MYG1: variants seen among roughly 807,000 people sequenced by gnomAD.
MYG1 encodes UPF0160 protein MYG1, mitochondrial.
In MYG1, 36 loss-of-function variants were observed where a neutral mutation model predicts 43.5. The ratio of observed to expected loss-of-function variants is 0.83; its 90% CI spans 0.63 to 1.09. The LOEUF is 1.09. MYG1 is among the 50% of genes least tolerant of loss of function. The pLI, the probability that MYG1 is intolerant of heterozygous loss-of-function variation, is 0.00. For synonymous variants in MYG1, 220 were observed against 202.8 expected (o/e 1.08, Z -0.72); for missense variants, 529 against 495.1 (o/e 1.07, Z -0.65).
intron 1 of MYG1, 93 bp from the exon 2 acceptor site, chr12:53,300,057 C>T: frequency 6.5e-7 from 1 of 1,538,262 alleles, no homozygotes; most frequent in South Asian, 1.2e-5. Context: ...GCAGCCCAAG[C>T]ACCCTTCCTA....
intron 5 of MYG1, 46 bp downstream of exon 5, chr12:53,306,366 C>CCAAT (rs763198717): frequency 4.7e-5 from 75 of 1,606,984 alleles, no homozygotes; most frequent in Non-Finnish European, 6.2e-5. Context: ...TTACTGACTG[C>CCAAT]CAATCAACAG....
chr12:53,299,936 C>G lies in MYG1; in HGVS notation c.199C>G (p.Leu67Val). ...GGCACTGGCATGCGCACTGCTTCGC[C>G]TCCTGCCGGAGTACCGGGTACGGTC... ...DEALACALLR[L>V]LPEYRDAEIV... Residue 67 changes from leucine (L) to valine (V), a missense_variant, in exon 1 of 7, where the codon CTC becomes GTC. Transcript: ENST00000267103. 3 of 1,614,240 alleles carry G rather than the reference C, an allele frequency of 1.9e-6. No individual in the cohort carries two copies. The highest frequency in any genetic ancestry group is 2.5e-6 in the Non-Finnish European group (3 of 1,180,042).
At chr12:53,304,264 AACTG>A (rs1944252727) in intron 3 of MYG1, among the ~76,000 whole-genome samples, 1 of 151,686 alleles carries the variant, frequency 6.6e-6, no homozygotes. Context: ...GTTTCTAAAC[AACTG>A]ACTAAATTTT....
chr12:53,301,357 C>T (rs1014835727), intron 2 of MYG1, among the ~76,000 whole-genome samples: 15 of 152,158 alleles, frequency 9.9e-5, no homozygotes, highest in Non-Finnish European at 1.9e-4. Flanking sequence ...TACCACACCA[C>T]GAGAAGTAAT....
intron 6 of MYG1, 43 bp from the exon 7 acceptor site, chr12:53,306,923 G>A: frequency 1.9e-6 from 3 of 1,606,594 alleles, no homozygotes; most frequent in Non-Finnish European, 1.7e-6. Flanking sequence ...TTAAGAGAAG[G>A]CTGCCAACTC....
Position 53,306,784 on chromosome 12 carries a change from C to G in MYG1, c.870C>G (p.Phe290Leu), listed in dbSNP as rs1555189703. The G allele has an allele frequency of 6.2e-7, 1 of 1,614,228 alleles. No homozygotes were observed. The highest frequency in any genetic ancestry group is 1.1e-5 in the South Asian group (1 of 91,090). Residue 290 changes from phenylalanine to leucine, a missense_variant, in exon 6 of 7, where the codon TTC (phenylalanine) becomes TTG (leucine). By Grantham distance (22) the Phe-to-Leu change is conservative (BLOSUM62 0). Coordinates refer to ENST00000267103, the MANE Select transcript of MYG1 (RefSeq NM_021640.4). ...ESGLSPPVAI[F>L]FVIYTDQAGQ... ...GGCTGTCCCCTCCAGTGGCCATCTTCTTTGTTATCTACACTGACCAGGCTG... is the reference window on the plus strand; with the variant it reads ...GGCTGTCCCCTCCAGTGGCCATCTTGTTTGTTATCTACACTGACCAGGCTG...
chr12:53,299,940 T>G lies in MYG1; in HGVS notation c.203T>G (p.Leu68Arg). The G allele has an allele frequency of 2.5e-6, 4 of 1,614,194 alleles. No homozygotes were observed. The highest frequency in any genetic ancestry group is 2.2e-5 in the South Asian group (2 of 91,086). ...CTGGCATGCGCACTGCTTCGCCTCC[T>G]GCCGGAGTACCGGGTACGGTCCGCG... ...EALACALLRL[L>R]PEYRDAEIVR... is the part of the protein sequence containing the mutation. The change falls in exon 1 of 7, where the codon CTG becomes CGG. Residue 68 changes from leucine (L) to arginine (R), a missense_variant. Transcript: ENST00000267103.
intron 4 of MYG1, 49 bp downstream of exon 4, chr12:53,306,109 G>A (rs773196162): frequency 1.2e-6 from 2 of 1,607,706 alleles, no homozygotes; most frequent in Non-Finnish European, 8.5e-7. Context: ...ACCTTGGGTG[G>A]GGGGAAAATG....
rs1171292432 is a variant in MYG1, at chr12:53,299,843, C to G, written c.106C>G (p.Arg36Gly). Residue 36 changes from arginine (R) to glycine (G), a missense_variant, in exon 1 of 7, where the codon CGA (arginine) becomes GGA (glycine). By Grantham distance (125) the Arg-to-Gly change is moderately radical. Transcript: ENST00000267103. ...LGPESVPPPK[R>G]SRSKLMAPPR... ...TCCAGAGTCCGTCCCGCCCCCAAAACGATCCCGCAGCAAACTCATGGCACC... is the reference window on the plus strand; with the variant it reads ...TCCAGAGTCCGTCCCGCCCCCAAAAGGATCCCGCAGCAAACTCATGGCACC... 6.2e-6 allele frequency: 10 copies of G among 1,614,082 alleles called. No homozygotes were observed. Among genetic ancestry groups the G allele is most frequent in the Non-Finnish European group, 8.5e-6 (10 of 1,180,030 alleles).
At chr12:53,300,339 C>T (rs918457540) in intron 2 of MYG1, 77 bp downstream of exon 2, 16 of 1,087,920 alleles carry the variant, frequency 1.5e-5, no homozygotes, top group Admixed American at 2.9e-5. Context: ...CATCCACTGC[C>T]GTAGTCCGCG....
At position 53,303,100 on chromosome 12, in the gene MYG1, G is replaced by A. The variant is rs1004559152; in HGVS notation, c.396G>A (p.Ala132=). Residue 132 remains alanine (A), a synonymous_variant, in exon 3 of 7, where the codon GCG becomes GCA. Transcript: ENST00000267103. Reference sequence around the variant, plus strand: ...CGTGGCAGACCAAGCTGAGCAGTGCGGGACTCATCTATCTGCACTTCGGGC... The same window carrying A: ...CGTGGCAGACCAAGCTGAGCAGTGCAGGACTCATCTATCTGCACTTCGGGC... The part of the protein sequence containing the change: ...GKPWQTKLSS[A]GLIYLHFGHK... The A allele has an allele frequency of 9.3e-6, 15 of 1,614,032 alleles. No individual in the cohort carries two copies. Among genetic ancestry groups the A allele is most frequent in the Middle Eastern group, 3.3e-4 (2 of 6,074 alleles).
intron 2 of MYG1, among the ~76,000 whole-genome samples, chr12:53,301,561 A>G (rs1040402318): frequency 7.9e-5 from 12 of 152,144 alleles, no homozygotes; most frequent in African/African-American, 2.9e-4. Flanking sequence ...ATTCCCCTCA[A>G]GCCCACTCTC....
chr12:53,306,519 T>C, intron 5 of MYG1, 161 bp from the exon 6 acceptor site: 2 of 1,086,710 alleles, frequency 1.8e-6, no homozygotes, highest in Admixed American at 2.8e-5. Context: ...AATTTTTGTA[T>C]TTTTTGTAGA....
At chr12:53,304,868 T>G (rs1393261137) in intron 3 of MYG1, among the ~76,000 whole-genome samples, 2 of 3,940 alleles carry the variant, frequency 5.1e-4, no homozygotes, top group East Asian at 8.3e-3. Flanking sequence ...CATGTTTTTT[T>G]TTTTTTTTTT....
intron 2 of MYG1, 50 bp from the exon 3 acceptor site, chr12:53,302,984 G>A (rs1176421661): frequency 2.0e-6 from 3 of 1,511,716 alleles, no homozygotes; most frequent in Non-Finnish European, 2.7e-6. Context: ...AATGCATGGA[G>A]ACTCTAGCCA....
At chr12:53,303,837 C>T (rs116646579) in intron 3 of MYG1, 1 of 152,350 alleles carries the variant, frequency 6.6e-6, no homozygotes, top group Non-Finnish European at 1.5e-5. Context: ...ATTCAGTTCT[C>T]AGTTTTTTTG....
chr12:53,300,372 C>T, intron 2 of MYG1, 110 bp downstream of exon 2: 1 of 796,486 alleles, frequency 1.3e-6, no homozygotes, highest in Non-Finnish European at 2.0e-6. Flanking sequence ...ACTGCTTCAT[C>T]ACTGAAATCA....
intron 2 of MYG1, among the ~76,000 whole-genome samples, chr12:53,301,355 C>T (rs1217625870): frequency 6.6e-6 from 1 of 152,168 alleles, no homozygotes; most frequent in Non-Finnish European, 1.5e-5. Context: ...TATACCACAC[C>T]ACGAGAAGTA....
Position 53,299,717 on chromosome 12 carries a change from C to A in MYG1, c.-21C>A. 6.3e-7 allele frequency: 1 copy of A among 1,595,828 alleles called. No individual in the cohort carries two copies. Among genetic ancestry groups the A allele is most frequent in the Non-Finnish European group, 8.5e-7 (1 of 1,169,938 alleles). On this transcript the variant is annotated 5_prime_UTR_variant, in exon 1 of 7. Transcript: ENST00000267103. The stretch of plus-strand genomic sequence containing the variant: ...TTCCTCTTCCGGGTCGGCGCTCCTG[C>A]CTCCCTGCAGGGAGCTGCTTATGGG...
Sources: gnomAD v4.1 joint callset for allele counts (sites outside exome capture counted in the v4.1 genomes callset) on GRCh38, gnomAD v4.1.1 for gene constraint, MANE v1.5 for transcripts, NCBI Gene and HGNC (gene_info 2026-07-23, HGNC 2026-07-21) for gene names.